CWC27: variants seen among roughly 807,000 people sequenced by gnomAD.
CWC27 encodes spliceosome-associated protein CWC27 homolog.
Under a neutral mutation model 63.6 loss-of-function variants are expected in CWC27, and 47 were observed. That is an observed-to-expected ratio of 0.74 (90% CI 0.58 to 0.94). The LOEUF is 0.94. Ranked by LOEUF, CWC27 falls within the 40% of genes least tolerant of loss-of-function variation. The pLI is 0.00. For synonymous variants in CWC27, 175 were observed against 179.8 expected (o/e 0.97, Z 0.22); for missense variants, 495 against 554.3 (o/e 0.89, Z 1.07).
At chr5:64,871,390 G>A (rs1746672980) in intron 10 of CWC27, among the ~76,000 whole-genome samples, 1 of 152,132 alleles carries the variant, frequency 6.6e-6, no homozygotes, top group African/African-American at 2.4e-5. Flanking sequence ...TGGCATGGAA[G>A]CTATGATCTG....
intron 11 of CWC27, among the ~76,000 whole-genome samples, chr5:64,905,118 T>C (rs893491332): frequency 1.3e-5 from 2 of 149,646 alleles, no homozygotes; most frequent in African/African-American, 5.0e-5. Flanking sequence ...GGATAATTGC[T>C]TGAACCTGTG....
chr5:64,777,519 A>G (rs1252693817), intron 2 of CWC27, among the ~76,000 whole-genome samples: 1 of 152,130 alleles, frequency 6.6e-6, no homozygotes, highest in Non-Finnish European at 1.5e-5. Flanking sequence ...GGCAAGAAAT[A>G]TAATTAGTCA....
rs552149255 is a variant in CWC27 at position 64,933,628 on chromosome 5, G to A, written c.1043-38075G>A. Among the ~76,000 whole-genome samples the A allele has an allele frequency of 4.3e-3, 653 of 151,942 alleles. 3 individuals are homozygous for A. Among genetic ancestry groups the A allele is most frequent in the African/African-American group, 0.014 (573 of 41,414 alleles). ...CTGCCTCAGCCTCCTGAGTAGCTGG[G>A]ACTACAGGCATGCACCACCATGCCT... On this transcript the variant is annotated intron_variant, in intron 11 of 13. Coordinates refer to ENST00000381070, the MANE Select transcript of CWC27 (RefSeq NM_005869.4).
intron 7 of CWC27, among the ~76,000 whole-genome samples, chr5:64,794,268 G>A (rs1348057833): frequency 6.6e-6 from 1 of 152,136 alleles, no homozygotes; most frequent in Non-Finnish European, 1.5e-5. Flanking sequence ...TGATCTGGGA[G>A]ATAGTACAGT....
chr5:64,786,958 A>T (rs1743909232), intron 6 of CWC27, among the ~76,000 whole-genome samples: 1 of 152,190 alleles, frequency 6.6e-6, no homozygotes. Context: ...GGCCTCAGGA[A>T]GCTTCAATCG....
chr5:64,921,379 C>T (rs112741846), intron 11 of CWC27, among the ~76,000 whole-genome samples: 3 of 152,158 alleles, frequency 2.0e-5, no homozygotes, highest in African/African-American at 7.2e-5. Context: ...GTGTAGCTCC[C>T]ATGTGCAGAT....
chr5:64,774,662 T>C, intron 1 of CWC27, 29 bp from the exon 2 acceptor site: 2 of 1,329,734 alleles, frequency 1.5e-6, no homozygotes, highest in Non-Finnish European at 2.1e-6. Flanking sequence ...AAAATAATAA[T>C]TTAATAAAAT....
At chr5:64,793,850 A>G (rs1744163489) in intron 7 of CWC27, among the ~76,000 whole-genome samples, 2 of 152,126 alleles carry the variant, frequency 1.3e-5, no homozygotes, top group African/African-American at 2.4e-5. Context: ...TAAAGTCTGA[A>G]TTGAGGCTTT....
intron 11 of CWC27, among the ~76,000 whole-genome samples, chr5:64,947,145 T>A (rs1748605798): frequency 6.6e-6 from 1 of 152,140 alleles, no homozygotes; most frequent in African/African-American, 2.4e-5. Flanking sequence ...TTACTGCTGC[T>A]TCCTAAAAAG....
chr5:64,863,200 G>A (rs987339525), intron 10 of CWC27, among the ~76,000 whole-genome samples: 1 of 151,946 alleles, frequency 6.6e-6, no homozygotes, highest in Non-Finnish European at 1.5e-5. Flanking sequence ...CATGTAACTT[G>A]TTCCTCTATC....
chr5:64,852,185 A>G (rs983421493), intron 10 of CWC27, among the ~76,000 whole-genome samples: 1 of 152,204 alleles, frequency 6.6e-6, no homozygotes, highest in Non-Finnish European at 1.5e-5. Flanking sequence ...TGTATCTGCT[A>G]CTAACTAATG....
intron 2 of CWC27, among the ~76,000 whole-genome samples, chr5:64,780,869 G>C (rs1743660063): frequency 6.6e-6 from 1 of 151,896 alleles, no homozygotes; most frequent in Non-Finnish European, 1.5e-5. Context: ...CCATTCTAGT[G>C]GGTGTGAAGT....
At chr5:64,875,103 A>T (rs890448189) in intron 10 of CWC27, among the ~76,000 whole-genome samples, 1 of 152,118 alleles carries the variant, frequency 6.6e-6, no homozygotes, top group African/African-American at 2.4e-5. Flanking sequence ...TATTATTGGC[A>T]CTTTATGATT....
At chr5:64,974,388 G>A (rs1328872174) in intron 12 of CWC27, among the ~76,000 whole-genome samples, 1 of 152,176 alleles carries the variant, frequency 6.6e-6, no homozygotes, top group Non-Finnish European at 1.5e-5. Flanking sequence ...CACAATCATG[G>A]CAGAGGGTGA....
intron 13 of CWC27, among the ~76,000 whole-genome samples, chr5:64,983,711 C>T (rs1248859904): frequency 6.6e-6 from 1 of 152,236 alleles, no homozygotes; most frequent in Non-Finnish European, 1.5e-5. Context: ...CCTCATCAAC[C>T]CTTTTCTGGT....
intron 2 of CWC27, among the ~76,000 whole-genome samples, chr5:64,776,989 T>C (rs1212551709): frequency 6.6e-6 from 1 of 152,088 alleles, no homozygotes; most frequent in Non-Finnish European, 1.5e-5. Context: ...GAGTGGAACT[T>C]TTAAAAACTT....
At chr5:64,891,501 C>T (rs1747236073) in intron 11 of CWC27, among the ~76,000 whole-genome samples, 1 of 152,094 alleles carries the variant, frequency 6.6e-6, no homozygotes, top group African/African-American at 2.4e-5. Flanking sequence ...CATACCCTCA[C>T]AATTACATGA....
At chr5:64,810,024 G>A (rs1293934238) in intron 10 of CWC27, among the ~76,000 whole-genome samples, 1 of 151,818 alleles carries the variant, frequency 6.6e-6, no homozygotes, top group Admixed American at 6.6e-5. Flanking sequence ...TAGCTTTACA[G>A]TTTCAGGCCT....
At chr5:64,892,091 A>T (rs1747253196) in intron 11 of CWC27, among the ~76,000 whole-genome samples, 1 of 152,102 alleles carries the variant, frequency 6.6e-6, no homozygotes, top group Admixed American at 6.5e-5. Context: ...CACCACTCCC[A>T]GCTCTGTTGC....
Sources: allele counts gnomAD v4.1 joint callset (sites outside exome capture counted in the v4.1 genomes callset), GRCh38; gene constraint gnomAD v4.1.1; transcripts MANE v1.5; gene names NCBI Gene and HGNC (gene_info 2026-07-23, HGNC 2026-07-21).